The following KDM5C variants were observed in gnomAD, a reference collection of about 807,000 sequenced individuals.
The protein encoded by KDM5C is lysine demethylase 5C, also known as lysine-specific demethylase 5C.
A neutral mutation model predicts 110.6 loss-of-function variants in KDM5C; 16 were observed. That is an observed-to-expected ratio of 0.14 (90% CI 0.10 to 0.22). The LOEUF is 0.22. KDM5C is among the 10% of genes least tolerant of loss of function. The pLI, the probability that KDM5C is intolerant of heterozygous loss-of-function variation, is 1.00. For missense variants in KDM5C, 681 were observed against 1,300.9 expected, an observed-to-expected ratio of 0.52 and a Z score of 7.33; for synonymous variants, 511 against 520.4, an observed-to-expected ratio of 0.98 and a Z score of 0.24.
intron 18 of KDM5C, 52 bp from the exon 19 acceptor site, chrX:53,197,096 G>T: frequency 2.1e-6 from 2 of 957,090 alleles, no homozygotes; most frequent in Non-Finnish European, 1.5e-6. Flanking sequence ...CCACTGAGGG[G>T]TTCCACCACC....
In KDM5C at chrX:53,217,200, A is replaced by G. The variant is rs1556852356; in HGVS notation, c.600T>C (p.Ser200=). The G allele has an allele frequency of 2.5e-6, 3 of 1,210,816 alleles. No homozygotes were observed. The South Asian group carries it at 5.3e-5, about 21-fold the overall frequency. Residue 200 remains serine, a synonymous_variant, in exon 5 of 26, where the codon TCT becomes TCC. Transcript: ENST00000375401. ...YKPHSIPLRQ[S]VQPSKFNSYG... ...AGCTGTTGAACTTGGAAGGCTGCAC[A>G]GACTGTCGTAGGGGGATGCTGTGGG...
chrX:53,220,932 G>A lies in KDM5C; in HGVS notation c.151-16C>T. 1 of 1,184,854 alleles carries A rather than the reference G, an allele frequency of 8.4e-7. No individual in the cohort carries two copies. The highest frequency in any genetic ancestry group is 2.3e-4 in the Middle Eastern group (1 of 4,274). ...GCTGCCAGTCCTGAGAGGGTAGAGA[G>A]GGGAAAGGGACTTGAGTTATCTCAG... On this transcript the variant is annotated splice_polypyrimidine_tract_variant and intron_variant, in intron 1 of 25. Transcript: ENST00000375401.
chrX:53,217,211 G>A lies in KDM5C; in HGVS notation c.589C>T (p.Leu197=), dbSNP rs189933256. 7.4e-6 allele frequency: 9 copies of A among 1,209,383 alleles called. No individual in the cohort carries two copies. The East Asian group carries it at 8.9e-5, about 12-fold the overall frequency. The change falls in exon 5 of 26, where the codon CTA becomes TTA. Residue 197 remains leucine (L), a synonymous_variant. Coordinates refer to ENST00000375401, the MANE Select transcript of KDM5C (RefSeq NM_004187.5). The part of the protein sequence containing the change: ...DKEYKPHSIP[L]RQSVQPSKFN... Reference sequence around the variant, plus strand: ...TTGGAAGGCTGCACAGACTGTCGTAGGGGGATGCTGTGGGGTTTGTATTCC... The same window carrying A: ...TTGGAAGGCTGCACAGACTGTCGTAAGGGGATGCTGTGGGGTTTGTATTCC...
chrX:53,209,732 C>T (rs915773796), intron 12 of KDM5C, among the ~76,000 whole-genome samples: 1 of 111,877 alleles, frequency 8.9e-6, no homozygotes, highest in African/African-American at 3.2e-5. Context: ...TGATGCTAAT[C>T]AATGCTAGAA....
chrX:53,207,266 T>C, intron 12 of KDM5C, among the ~76,000 whole-genome samples: 1 of 110,751 alleles, frequency 9.0e-6, no homozygotes, highest in Non-Finnish European at 1.9e-5. Context: ...ATATTTTATT[T>C]AACTTAACAT....
chrX:53,197,585 C>A, intron 18 of KDM5C, 186 bp downstream of exon 18: 1 of 463,684 alleles, frequency 2.2e-6, no homozygotes, highest in Non-Finnish European at 3.8e-6. Flanking sequence ...TGCCACCTGA[C>A]CCTCAAGGCC....
intron 14 of KDM5C, among the ~76,000 whole-genome samples, chrX:53,200,446 G>C (rs2073105373): frequency 9.0e-6 from 1 of 111,646 alleles, no homozygotes; most frequent in Admixed American, 9.5e-5. Flanking sequence ...GTCAAGATGA[G>C]AAGGTCTATT....
intron 12 of KDM5C, among the ~76,000 whole-genome samples, chrX:53,207,370 C>G: frequency 9.0e-6 from 1 of 111,061 alleles, no homozygotes; most frequent in Non-Finnish European, 1.9e-5. Context: ...GTCTTGAAAG[C>G]CAACATGCAT....
intron 25 of KDM5C, among the ~76,000 whole-genome samples, chrX:53,181,675 CAAAAAAAAAAA>C (rs60649092): frequency 1.9e-5 from 1 of 52,641 alleles, no homozygotes; most frequent in Non-Finnish European, 3.2e-5. Flanking sequence ...GACCATGTCT[CAAAAAAAAAAA>C]AAAAAAAAAA....
intron 1 of KDM5C, among the ~76,000 whole-genome samples, chrX:53,222,026 C>T (rs2073910893): frequency 9.0e-6 from 1 of 111,306 alleles, no homozygotes; most frequent in Non-Finnish European, 1.9e-5. Context: ...AACCAATGTT[C>T]TCATTTTATA....
In KDM5C at chrX:53,218,400, TGAA is replaced by T; in HGVS notation, c.229-5_229-3del. ...GTTCAGTTTCACTCTCGTCTGGGCC[TGAA>T]GAAGAAATGGCTCAAAGAGGCTGGC... On this transcript the variant is annotated splice_polypyrimidine_tract_variant and splice_region_variant and intron_variant, in intron 2 of 25. Coordinates refer to ENST00000375401, the MANE Select transcript of KDM5C (RefSeq NM_004187.5). 1 of 1,210,933 alleles carries T rather than the reference TGAA, an allele frequency of 8.3e-7. No individual in the cohort carries two copies. Among genetic ancestry groups the T allele is most frequent in the Non-Finnish European group, 1.1e-6 (1 of 895,270 alleles).
chrX:53,217,691 C>A (rs1488720174), intron 4 of KDM5C, 105 bp downstream of exon 4: 2 of 877,246 alleles, frequency 2.3e-6, no homozygotes, highest in African/African-American at 2.0e-5. Flanking sequence ...AGAGCAGAGT[C>A]CAACTCCCAG....
At chrX:53,178,675 T>C (rs1316947192) in intron 25 of KDM5C, among the ~76,000 whole-genome samples, 3 of 112,315 alleles carry the variant, frequency 2.7e-5, no homozygotes, top group Non-Finnish European at 5.6e-5. Flanking sequence ...CCCTAGAAGA[T>C]AACATAGGAG....
At position 53,215,951 on chromosome X, in the gene KDM5C, G is replaced by A. The variant is rs1415151995; in HGVS notation, c.807C>T (p.Pro269=). 7.4e-6 allele frequency: 9 copies of A among 1,210,049 alleles called. No homozygotes were observed. The highest frequency in any genetic ancestry group is 4.4e-5 in the Admixed American group (2 of 45,863). Residue 269 remains proline (P), a synonymous_variant, in exon 7 of 26, where the codon CCC becomes CCT. Coordinates refer to ENST00000375401, the MANE Select transcript of KDM5C (RefSeq NM_004187.5). ...KKDKEGPECP[P]TVVVKEELGG... is the part of the protein sequence containing the mutation. Reference sequence around the variant, plus strand: ...CTAACTCCTCCTTCACCACTACTGTGGGGGGACACTCAGGCCCCTCCTTAT... The same window carrying A: ...CTAACTCCTCCTTCACCACTACTGTAGGGGGACACTCAGGCCCCTCCTTAT...
downstream of KDM5C, chrX:53,191,497 C>G (rs1934416443): frequency 5.7e-6 from 1 of 174,797 alleles, no homozygotes. Context: ...TAATTGTATA[C>G]TTTTAAGTGG....
At chrX:53,204,171 T>C (rs1222058560) in intron 12 of KDM5C, among the ~76,000 whole-genome samples, 2 of 110,090 alleles carry the variant, frequency 1.8e-5, no homozygotes, top group Non-Finnish European at 3.8e-5. Flanking sequence ...GTGATCTAGC[T>C]AAGCCATTTA....
At chrX:53,209,236 G>A (rs1236244828) in intron 12 of KDM5C, among the ~76,000 whole-genome samples, 1 of 111,049 alleles carries the variant, frequency 9.0e-6, no homozygotes, top group Non-Finnish European at 1.9e-5. Flanking sequence ...TAAAGCAGCA[G>A]AACTCAAGCC....
chrX:53,195,528 T>C (rs1556836146), intron 20 of KDM5C, 118 bp from the exon 21 acceptor site: 2 of 718,710 alleles, frequency 2.8e-6, no homozygotes, highest in Admixed American at 2.6e-5. Context: ...ATTAAAAAAA[T>C]AGGTGTCATC....
intron 14 of KDM5C, among the ~76,000 whole-genome samples, chrX:53,200,920 T>C (rs1311733154): frequency 8.9e-6 from 1 of 112,429 alleles, no homozygotes; most frequent in African/African-American, 3.2e-5. Context: ...GGTAATATTA[T>C]TGCCCTAGCT....
Sources: allele counts gnomAD v4.1 joint callset (sites outside exome capture counted in the v4.1 genomes callset), GRCh38; gene constraint gnomAD v4.1.1; transcripts MANE v1.5; gene names NCBI Gene and HGNC (gene_info 2026-07-23, HGNC 2026-07-21).